REV3L: variants seen among roughly 807,000 people sequenced by gnomAD.
REV3L encodes the protein REV3 like, DNA directed polymerase zeta catalytic subunit, also known as DNA polymerase zeta catalytic subunit.
Under a neutral mutation model 299.4 loss-of-function variants are expected in REV3L, and 69 were observed. The ratio of observed to expected loss-of-function variants is 0.23; its 90% CI spans 0.19 to 0.28. The LOEUF (loss-of-function observed/expected upper bound fraction) is 0.28. Among genes scored for constraint, REV3L ranks in the 10% least tolerant of loss-of-function variants. The probability of loss-of-function intolerance (pLI) is 1.00; values close to 1 mark genes in which losing one functional copy is unlikely to be tolerated. For missense variants in REV3L, 3,128 were observed against 3,693.8 expected (o/e 0.85, Z 3.97); for synonymous variants, 1,238 against 1,271.4 (o/e 0.97, Z 0.56).
Position 111,301,297 on chromosome 6 carries a change from T to A in REV3L, c.9253-1141A>T, listed in dbSNP as rs554629151. On this transcript the variant is annotated intron_variant, in intron 31 of 31. Coordinates refer to ENST00000368802, the MANE Select transcript of REV3L (RefSeq NM_001372078.1). ...GCACGACATGGACCTTCATCAGTAATTCTAGTTTCACCCTGGCCTTGTGAT... is the reference window on the plus strand; with the variant it reads ...GCACGACATGGACCTTCATCAGTAAATCTAGTTTCACCCTGGCCTTGTGAT... Among the ~76,000 whole-genome samples, 9 of 152,306 alleles carry A rather than the reference T, an allele frequency of 5.9e-5. No homozygotes were observed. The East Asian group carries it at 1.7e-3, about 29-fold the overall frequency.
chr6:111,350,740 C>A (rs1326848887), intron 19 of REV3L, among the ~76,000 whole-genome samples: 1 of 145,680 alleles, frequency 6.9e-6, no homozygotes, highest in Non-Finnish European at 1.5e-5. Flanking sequence ...TCACACCTGG[C>A]TAATTTTCTT....
At position 111,307,507 on chromosome 6, in the gene REV3L, A is replaced by G. The variant is rs1298961466; in HGVS notation, c.9106T>C (p.Tyr3036His). The G allele has an allele frequency of 1.9e-6, 3 of 1,614,092 alleles. No individual in the cohort carries two copies. The African/African-American group carries it at 4.0e-5, about 22-fold the overall frequency. ...ACAGGACAGTGTAAGGTAGTAAAAT[A>G]TTGTGAAATAGTGCCTTTCCGCCCT... Reference protein sequence around the residue: ...PEGRKGTISQYFTTLHCPVCD... With the variant: ...PEGRKGTISQHFTTLHCPVCD... The change falls in exon 31 of 32, where the codon TAT becomes CAT. Residue 3036 changes from tyrosine (Y) to histidine (H), a missense_variant. This residue lies in a region of REV3L where 294 missense variants were observed against 377.0 expected (regional missense o/e 0.78). Coordinates refer to ENST00000368802, the MANE Select transcript of REV3L (RefSeq NM_001372078.1).
At chr6:111,413,561 A>C (rs1784466195) in intron 2 of REV3L, among the ~76,000 whole-genome samples, 1 of 152,106 alleles carries the variant, frequency 6.6e-6, no homozygotes, top group Non-Finnish European at 1.5e-5. Context: ...GAATAGAGTT[A>C]AACCTCATGT....
At chr6:111,384,334 G>C (rs1781124161) in intron 9 of REV3L, among the ~76,000 whole-genome samples, 1 of 152,132 alleles carries the variant, frequency 6.6e-6, no homozygotes, top group Non-Finnish European at 1.5e-5. Context: ...CACAGAATGG[G>C]AGGAAATATC....
intron 18 of REV3L, among the ~76,000 whole-genome samples, chr6:111,355,619 G>A (rs2114967564): frequency 6.6e-6 from 1 of 152,174 alleles, no homozygotes; most frequent in East Asian, 1.9e-4. Flanking sequence ...ACTTGCAAAT[G>A]ACTAACAAAA....
intron 18 of REV3L, among the ~76,000 whole-genome samples, chr6:111,354,999 T>C (rs754368625): frequency 2.0e-5 from 3 of 152,060 alleles, no homozygotes; most frequent in Admixed American, 6.6e-5. Context: ...ATAAATGTAA[T>C]AGCATTTAGG....
intron 26 of REV3L, among the ~76,000 whole-genome samples, chr6:111,320,842 G>A (rs1177379413): frequency 6.6e-6 from 1 of 152,094 alleles, no homozygotes; most frequent in Non-Finnish European, 1.5e-5. Context: ...TAGAGACAGG[G>A]TTGCACTTTG....
chr6:111,362,834 T>C (rs1582688696), intron 16 of REV3L, among the ~76,000 whole-genome samples: 1 of 152,200 alleles, frequency 6.6e-6, no homozygotes, highest in East Asian at 1.9e-4. Flanking sequence ...TTGAGTCAAC[T>C]ATGTTTTAAA....
At chr6:111,483,224 CA>C, upstream of REV3L, 1 of 477,328 alleles carries the variant, frequency 2.1e-6, no homozygotes, top group East Asian at 3.5e-5. Context: ...GTCACGGACG[CA>C]ACCACTGGGG....
At chr6:111,334,356 AT>A (rs1775701109) in intron 22 of REV3L, among the ~76,000 whole-genome samples, 1 of 152,216 alleles carries the variant, frequency 6.6e-6, no homozygotes, top group African/African-American at 2.4e-5. Context: ...ATTTGGGAAA[AT>A]TAGAGAATTA....
At chr6:111,306,091 T>A (rs764538333) in intron 31 of REV3L, among the ~76,000 whole-genome samples, 7 of 152,226 alleles carry the variant, frequency 4.6e-5, no homozygotes, top group Non-Finnish European at 8.8e-5. Context: ...GTCAAAGAAC[T>A]GGGCCTCTGT....
At position 111,374,163 on chromosome 6, in the gene REV3L, C is replaced by T. The variant is rs764777220; in HGVS notation, c.4192G>A (p.Gly1398Arg). The change falls in exon 13 of 32, where the codon GGA (glycine) becomes AGA (arginine). Residue 1398 changes from glycine (G) to arginine (R), a missense_variant. This residue lies in a region of REV3L where 2,409 missense variants were observed against 2,611.8 expected (regional missense o/e 0.92). Coordinates refer to ENST00000368802, the MANE Select transcript of REV3L (RefSeq NM_001372078.1). ...GAATTGCGATATTCACTTAACTTTC[C>T]GATTGATGACAAATAGTTTCTTTGT... ...NIQRNYLSSI[G>R]KLSEYRNSLE... The T allele has an allele frequency of 8.7e-6, 14 of 1,613,882 alleles. No homozygotes were observed. In the East Asian group the frequency reaches 1.6e-4, roughly 18 times the overall value.
chr6:111,459,339 A>C (rs1010849082), intron 1 of REV3L, among the ~76,000 whole-genome samples: 4 of 152,070 alleles, frequency 2.6e-5, no homozygotes, highest in Non-Finnish European at 5.9e-5. Context: ...CTAGAAGAAA[A>C]CCTAGGAAAT....
intron 31 of REV3L, among the ~76,000 whole-genome samples, chr6:111,303,850 G>T (rs920911542): frequency 6.6e-6 from 1 of 151,086 alleles, no homozygotes; most frequent in African/African-American, 2.4e-5. Flanking sequence ...CTCCTGAGTA[G>T]TTGGGAGTAC....
Position 111,332,617 on chromosome 6 carries a change from C to T in REV3L, c.7925+506G>A, listed in dbSNP as rs17511307. Among the ~76,000 whole-genome samples, 167 of 151,950 alleles carry T rather than the reference C, an allele frequency of 1.1e-3. 1 individual carries two copies. The highest frequency in any genetic ancestry group is 3.9e-3 in the African/African-American group (163 of 41,444). On this transcript the variant is annotated intron_variant, in intron 23 of 31. Transcript: ENST00000368802. ...CAAAAATCAATAAAAAGGAAGACTC[C>T]GTTATTTCCTACAATTTAAGAAAAG...
rs151124876 is a variant in REV3L, at chr6:111,349,272, C to G, written c.7365G>C (p.Glu2455Asp). 6 of 1,608,382 alleles carry G rather than the reference C, an allele frequency of 3.7e-6. No individual in the cohort carries two copies. The highest frequency in any genetic ancestry group is 2.7e-5 in the African/African-American group (2 of 74,800). Reference sequence around the variant, plus strand: ...GTGTAATTCGGCCAACAATATTTATCTCACTCATTGTATATGATCCATACT... The same window carrying G: ...GTGTAATTCGGCCAACAATATTTATGTCACTCATTGTATATGATCCATACT... ...RDEYGSYTMS[E>D]INIVGRITLN... is the part of the protein sequence containing the mutation. The change falls in exon 20 of 32, where the codon GAG becomes GAC. Residue 2455 changes from glutamate (E) to aspartate (D), a missense_variant. Glu to Asp is a conservative substitution (Grantham distance 45). Around this residue, in one of 9 missense-constraint regions of REV3L, gnomAD observed 50 missense variants for 48.2 expected, o/e 1.04. Transcript: ENST00000368802.
intron 1 of REV3L, among the ~76,000 whole-genome samples, chr6:111,478,949 T>C (rs1793278104): frequency 6.6e-6 from 1 of 152,236 alleles, no homozygotes; most frequent in African/African-American, 2.4e-5. Flanking sequence ...TATTTACTCC[T>C]ACTCTGCATC....
At chr6:111,322,445 TA>T in intron 26 of REV3L, 123 bp downstream of exon 26, 1 of 706,388 alleles carries the variant, frequency 1.4e-6, no homozygotes, top group Non-Finnish European at 2.5e-6. Context: ...CATGAGATCG[TA>T]AGGACTGGAA....
chr6:111,416,674 A>C (rs925585439), intron 1 of REV3L, among the ~76,000 whole-genome samples: 2 of 152,240 alleles, frequency 1.3e-5, no homozygotes, highest in African/African-American at 2.4e-5. Context: ...AAACACAAGC[A>C]TTGTATAACA....
Sources: allele counts gnomAD v4.1 joint callset (sites outside exome capture counted in the v4.1 genomes callset), GRCh38; gene constraint gnomAD v4.1.1; regional missense constraint gnomAD v4.1.1; transcripts MANE v1.5; gene names NCBI Gene and HGNC (gene_info 2026-07-23, HGNC 2026-07-21).